Variants in STON2 observed in about 807,000 individuals in gnomAD.
The protein encoded by STON2 is stonin 2.
A neutral mutation model predicts 65.7 loss-of-function variants in STON2; 29 were observed. The ratio of observed to expected loss-of-function variants is 0.44; its 90% CI spans 0.33 to 0.60. The LOEUF (loss-of-function observed/expected upper bound fraction) is 0.60. STON2 is among the 20% of genes least tolerant of loss of function. The probability of loss-of-function intolerance (pLI) is 0.03; values close to 1 mark genes in which losing one functional copy is unlikely to be tolerated. For synonymous variants in STON2, 404 were observed against 414.2 expected (o/e 0.98, Z 0.30); for missense variants, 1,054 against 1,118.1 (o/e 0.94, Z 0.82).
At chr14:81,347,959 G>T (rs1897882149) in intron 4 of STON2, among the ~76,000 whole-genome samples, 1 of 145,312 alleles carries the variant, frequency 6.9e-6, no homozygotes, top group Non-Finnish European at 1.5e-5. Context: ...GGGATTCAAG[G>T]ACAGTTCAAC....
At chr14:81,325,002 C>T (rs1896956938) in intron 4 of STON2, among the ~76,000 whole-genome samples, 1 of 152,040 alleles carries the variant, frequency 6.6e-6, no homozygotes, top group Admixed American at 6.6e-5. Flanking sequence ...ACACTGAGAC[C>T]CAGAGGTTAG....
intron 4 of STON2, among the ~76,000 whole-genome samples, chr14:81,335,304 G>T (rs1187437368): frequency 6.6e-6 from 1 of 152,090 alleles, no homozygotes; most frequent in Non-Finnish European, 1.5e-5. Flanking sequence ...AGATGAGAAA[G>T]AACTAGAAGA....
rs145370683 is a variant in STON2, at chr14:81,339,797, T to A, written c.572-15610A>T. Among the ~76,000 whole-genome samples the A allele has an allele frequency of 4.4e-3, 675 of 152,310 alleles. 4 individuals carry two copies. The highest frequency in any genetic ancestry group is 0.015 in the African/African-American group (630 of 41,564). ...AGCATTATGCTATAATATGATGGAA[T>A]ACTACCCATCAATAGAAAATAATGG... is the stretch of plus-strand genomic sequence containing the variant. On this transcript the variant is annotated intron_variant, in intron 4 of 7. Coordinates refer to ENST00000614646, the MANE Select transcript of STON2 (RefSeq NM_001394390.1).
chr14:81,264,940 C>G lies in STON2; in HGVS notation c.*3474G>C, dbSNP rs1894297872. The G allele has an allele frequency of 2.0e-6, 2 of 985,042 alleles. No individual in the cohort carries two copies. 61.0% of individuals were successfully genotyped at this position (985,042 alleles called of 1,614,324 possible). A position where few individuals can be genotyped will look rare whatever the true frequency, so the allele number is the denominator to read the frequency against. On this transcript the variant is annotated 3_prime_UTR_variant, in exon 8 of 8. Transcript: ENST00000614646. ...TTTGCTGTAAAGTCAAAAAGCAGGC[C>G]CTAGACTCAAAAGAAAGCACAGCTC...
intron 2 of STON2, among the ~76,000 whole-genome samples, chr14:81,405,771 G>C (rs567817908): frequency 6.6e-6 from 1 of 151,994 alleles, no homozygotes; most frequent in African/African-American, 2.4e-5. Context: ...AGGGTATGAT[G>C]GTTAATATTG....
At chr14:81,349,380 C>T (rs1372664509) in intron 4 of STON2, among the ~76,000 whole-genome samples, 1 of 151,988 alleles carries the variant, frequency 6.6e-6, no homozygotes, top group Non-Finnish European at 1.5e-5. Flanking sequence ...GGATATCAAA[C>T]AGCTTAAATG....
intron 6 of STON2, among the ~76,000 whole-genome samples, chr14:81,274,872 TTCA>T (rs1894747918): frequency 5.3e-5 from 8 of 152,048 alleles, no homozygotes; most frequent in African/African-American, 1.7e-4. Flanking sequence ...ACCACTGCAC[TTCA>T]GCCTGGGCAA....
intron 4 of STON2, chr14:81,333,005 T>TCATTCA: frequency 1.8e-6 from 1 of 549,776 alleles, no homozygotes; most frequent in Non-Finnish European, 3.3e-6. Flanking sequence ...GCAGTCCCCC[T>TCATTCA]GACTTTCCTC....
chr14:81,342,769 G>C (rs905862810), intron 4 of STON2, among the ~76,000 whole-genome samples: 3 of 145,392 alleles, frequency 2.1e-5, no homozygotes, highest in African/African-American at 8.5e-5. Context: ...TGGTCTAGAA[G>C]GGGGGGCATG....
chr14:81,408,283 T>A (rs1394352926), intron 2 of STON2, among the ~76,000 whole-genome samples: 1 of 152,184 alleles, frequency 6.6e-6, no homozygotes, highest in East Asian at 1.9e-4. Flanking sequence ...TTCATTTAAA[T>A]ATTTTATTTT....
intron 5 of STON2, among the ~76,000 whole-genome samples, chr14:81,315,226 G>T (rs116808329): frequency 0.011 from 1,672 of 152,266 alleles, 30 homozygotes; most frequent in African/African-American, 0.038. Context: ...GTTGCCAGGG[G>T]TTACATCTCA....
chr14:81,311,376 A>G (rs1248739538), intron 5 of STON2, among the ~76,000 whole-genome samples: 1 of 152,172 alleles, frequency 6.6e-6, no homozygotes, highest in Non-Finnish European at 1.5e-5. Flanking sequence ...GTTGAGAAGC[A>G]CCAGATGTCA....
chr14:81,360,261 TA>T (rs2140337980), intron 4 of STON2, among the ~76,000 whole-genome samples: 2 of 152,248 alleles, frequency 1.3e-5, no homozygotes, highest in African/African-American at 4.8e-5. Flanking sequence ...TTCATGAACA[TA>T]AATGCCAAAA....
intron 5 of STON2, among the ~76,000 whole-genome samples, chr14:81,295,593 T>C (rs1236338894): frequency 6.6e-6 from 1 of 152,222 alleles, no homozygotes; most frequent in East Asian, 1.9e-4. Flanking sequence ...CACCTTTATA[T>C]GTCCTGAAGT....
intron 3 of STON2, among the ~76,000 whole-genome samples, chr14:81,372,874 T>C (rs1175170413): frequency 6.6e-6 from 1 of 152,164 alleles, no homozygotes; most frequent in Non-Finnish European, 1.5e-5. Flanking sequence ...AGAATAAACA[T>C]CAATGCTTGC....
intron 2 of STON2, among the ~76,000 whole-genome samples, chr14:81,415,066 G>T (rs193194390): frequency 1.9e-4 from 29 of 152,188 alleles, no homozygotes; most frequent in Admixed American, 5.2e-4. Flanking sequence ...GCTGGTTGGG[G>T]ACACAAAGGC....
chr14:81,356,205 T>A (rs974370640), intron 4 of STON2, among the ~76,000 whole-genome samples: 6 of 152,014 alleles, frequency 3.9e-5, no homozygotes, highest in Non-Finnish European at 8.8e-5. Flanking sequence ...TTATTGAGAG[T>A]TTTTAGCATG....
intron 3 of STON2, among the ~76,000 whole-genome samples, chr14:81,390,193 C>CA (rs759154677): frequency 0.031 from 2,765 of 88,156 alleles, 33 homozygotes; most frequent in Middle Eastern, 0.065. Context: ...GACTCCATTT[C>CA]AAAAAAAAAA....
At chr14:81,405,466 T>TTTG (rs1555407132) in intron 2 of STON2, among the ~76,000 whole-genome samples, 2 of 151,194 alleles carry the variant, frequency 1.3e-5, no homozygotes, top group African/African-American at 4.9e-5. Context: ...TATTGTTTTT[T>TTTG]TTTTTTTTTT....
Sources: allele counts gnomAD v4.1 joint callset (sites outside exome capture counted in the v4.1 genomes callset), GRCh38; gene constraint gnomAD v4.1.1; transcripts MANE v1.5; gene names NCBI Gene and HGNC (gene_info 2026-07-23, HGNC 2026-07-21).